The following AXDND1 variants were observed in gnomAD, a reference collection of about 807,000 sequenced individuals.
AXDND1 encodes the protein axonemal dynein light chain domain-containing protein 1.
Under a neutral mutation model 137.5 loss-of-function variants are expected in AXDND1, and 110 were observed. The observed-to-expected ratio is 0.80, with a 90% CI of 0.69 to 0.94. The LOEUF is 0.94. Among genes scored for constraint, AXDND1 ranks in the 40% least tolerant of loss-of-function variants. The probability of loss-of-function intolerance (pLI) is 0.00; values close to 1 mark genes in which losing one functional copy is unlikely to be tolerated. For missense variants in AXDND1, 1,191 were observed against 1,169.8 expected, an observed-to-expected ratio of 1.02 and a Z score of -0.26; for synonymous variants, 414 against 399.7, an observed-to-expected ratio of 1.04 and a Z score of -0.43.
intron 21 of AXDND1, among the ~76,000 whole-genome samples, chr1:179,522,005 T>C (rs1324391191): frequency 6.6e-6 from 1 of 152,110 alleles, no homozygotes; most frequent in Non-Finnish European, 1.5e-5. Flanking sequence ...TGCTTGGGAT[T>C]CTCTTGATTT....
chr1:179,384,906 G>A (rs1457422443), intron 8 of AXDND1, among the ~76,000 whole-genome samples: 1 of 152,030 alleles, frequency 6.6e-6, no homozygotes, highest in Admixed American at 6.6e-5. Context: ...TGGGACTACA[G>A]GCGTGTGCCA....
intron 22 of AXDND1, among the ~76,000 whole-genome samples, chr1:179,528,058 A>T (rs530080922): frequency 6.6e-6 from 1 of 152,142 alleles, no homozygotes; most frequent in Non-Finnish European, 1.5e-5. Flanking sequence ...TTTATTATCT[A>T]TCTCTCCTAT....
intron 16 of AXDND1, among the ~76,000 whole-genome samples, chr1:179,459,746 CCTTCCTTTCTTT>C: frequency 8.3e-6 from 1 of 119,838 alleles, no homozygotes; most frequent in Admixed American, 8.5e-5. Context: ...TTTTTTCCTT[CCTTCCTTTCTTT>C]TCTTTTCTCT....
chr1:179,448,180 CCTT>C, intron 16 of AXDND1: 1 of 905,986 alleles, frequency 1.1e-6, no homozygotes, highest in Non-Finnish European at 1.9e-6. Context: ...CCTCTGTGTT[CCTT>C]CTTGTTCAGA....
At chr1:179,395,690 CA>C (rs1650940607) in intron 11 of AXDND1, among the ~76,000 whole-genome samples, 1 of 152,060 alleles carries the variant, frequency 6.6e-6, no homozygotes, top group Non-Finnish European at 1.5e-5. Flanking sequence ...AGTGCTATGA[CA>C]ATATGAAATA....
chr1:179,379,252 C>T (rs1443824956), intron 5 of AXDND1, 145 bp from the exon 6 acceptor site: 12 of 769,408 alleles, frequency 1.6e-5, no homozygotes, highest in Middle Eastern at 4.0e-4. Context: ...CTATGACCCA[C>T]ATTGCTAATA....
chr1:179,455,686 G>A (rs1255340284), intron 16 of AXDND1: 1 of 152,964 alleles, frequency 6.5e-6, no homozygotes, highest in African/African-American at 2.4e-5. Flanking sequence ...AGATCACCTT[G>A]GGGGGGAAAT....
At chr1:179,464,719 T>G (rs12130054) in intron 16 of AXDND1, among the ~76,000 whole-genome samples, 25,523 of 152,170 alleles carry the variant, frequency 0.17, 2,489 homozygotes, top group East Asian at 0.35. Flanking sequence ...TTTTCCAACT[T>G]GGTTCCATTC....
intron 17 of AXDND1, among the ~76,000 whole-genome samples, chr1:179,473,319 G>A (rs60770530): frequency 0.11 from 16,307 of 151,954 alleles, 996 homozygotes; most frequent in African/African-American, 0.14. Flanking sequence ...CCAACATGGT[G>A]AAACCCTGTC....
At chr1:179,496,822 C>G (rs1667492281) in intron 20 of AXDND1, among the ~76,000 whole-genome samples, 1 of 152,052 alleles carries the variant, frequency 6.6e-6, no homozygotes, top group Admixed American at 6.6e-5. Flanking sequence ...CCTCCTCCCC[C>G]ATACCCCCGT....
intron 4 of AXDND1, 104 bp from the exon 5 acceptor site, chr1:179,378,533 A>G: frequency 1.2e-6 from 1 of 856,444 alleles, no homozygotes; most frequent in African/African-American, 1.7e-5. Flanking sequence ...GCTGACACAG[A>G]GGACCATCTT....
chr1:179,370,981 C>T (rs1242420367), intron 4 of AXDND1, among the ~76,000 whole-genome samples: 2 of 152,176 alleles, frequency 1.3e-5, no homozygotes, highest in Non-Finnish European at 1.5e-5. Context: ...GAAACTTGTC[C>T]TATTGATTTT....
At chr1:179,452,544 C>T (rs1331462255) in intron 16 of AXDND1, 5 of 146,908 alleles carry the variant, frequency 3.4e-5, no homozygotes, top group African/African-American at 7.9e-5. Flanking sequence ...AAAAATTAGC[C>T]GGGCGCGGTG....
In AXDND1 at chr1:179,430,558, C is replaced by A; in HGVS notation, c.1439C>A (p.Thr480Lys). The A allele has an allele frequency of 6.2e-7, 1 of 1,613,732 alleles. No individual in the cohort carries two copies. Among genetic ancestry groups the A allele is most frequent in the Non-Finnish European group, 8.5e-7 (1 of 1,179,872 alleles). ...VEQMEESTSETLKIVKDGLIK... is the reference protein window; with the variant it reads ...VEQMEESTSEKLKIVKDGLIK... ...CAAATGGAAGAGTCTACAAGCGAGA[C>A]ACTGAAAATTGTTAAGGATGGGCTT... The change falls in exon 14 of 26, where the codon ACA becomes AAA. Residue 480 changes from threonine (T) to lysine (K), a missense_variant. By Grantham distance (78) the Thr-to-Lys change is moderately conservative (BLOSUM62 -1). Coordinates refer to ENST00000367618, the MANE Select transcript of AXDND1 (RefSeq NM_144696.6).
At chr1:179,510,672 A>T (rs993361957) in intron 21 of AXDND1, among the ~76,000 whole-genome samples, 1 of 152,200 alleles carries the variant, frequency 6.6e-6, no homozygotes, top group Admixed American at 6.5e-5. Flanking sequence ...GGAACTGTAC[A>T]GAATCAGAGA....
At chr1:179,469,045 T>G (rs1226670272) in intron 17 of AXDND1, among the ~76,000 whole-genome samples, 1 of 152,126 alleles carries the variant, frequency 6.6e-6, no homozygotes, top group Non-Finnish European at 1.5e-5. Flanking sequence ...TTCTCTTACC[T>G]TAGCCTCCTG....
chr1:179,535,877 C>T (rs1017415447), intron 25 of AXDND1, among the ~76,000 whole-genome samples: 3 of 152,200 alleles, frequency 2.0e-5, no homozygotes, highest in Non-Finnish European at 2.9e-5. Flanking sequence ...ACATCCTCTC[C>T]AGCATCTGTT....
chr1:179,400,904 CAAAAAAAAAAAAAA>C (rs151090012), intron 11 of AXDND1, among the ~76,000 whole-genome samples: 1 of 53,668 alleles, frequency 1.9e-5, no homozygotes, highest in African/African-American at 8.1e-5. Flanking sequence ...GACTCTGTCT[CAAAAAAAAAAAAAA>C]AAAAAAAAAG....
chr1:179,454,585 G>T (rs904917361), intron 16 of AXDND1: 2 of 152,270 alleles, frequency 1.3e-5, no homozygotes, highest in Non-Finnish European at 2.9e-5. Flanking sequence ...AATTGTGTGT[G>T]TGAGAGAGAG....
Sources: gnomAD v4.1 joint callset for allele counts (sites outside exome capture counted in the v4.1 genomes callset) on GRCh38, gnomAD v4.1.1 for gene constraint, MANE v1.5 for transcripts, NCBI Gene and HGNC (gene_info 2026-07-23, HGNC 2026-07-21) for gene names.